The following NPHS1 variants were observed in gnomAD, a reference collection of about 807,000 sequenced individuals.
NPHS1 encodes the protein NPHS1 adhesion molecule, nephrin.
Under a neutral mutation model 139.7 loss-of-function variants are expected in NPHS1, and 107 were observed. The ratio of observed to expected loss-of-function variants is 0.77; its 90% CI spans 0.66 to 0.90. NPHS1 has a LOEUF of 0.90. Ranked by LOEUF, NPHS1 falls within the 40% of genes least tolerant of loss-of-function variation. The probability of loss-of-function intolerance (pLI) is 0.00; values close to 1 mark genes in which losing one functional copy is unlikely to be tolerated. For synonymous variants in NPHS1, 707 were observed against 706.6 expected (o/e 1.00, Z -0.01); for missense variants, 1,580 against 1,654.2 (o/e 0.96, Z 0.78).
chr19:35,831,553 C>T lies in NPHS1; in HGVS notation c.3287-53G>A, dbSNP rs926251188. ...GTGACCCTATGCAAGCCCCCCACCC[C>T]GGCCCCAGGAAGACCTTCAGTATGC... On this transcript the variant is annotated intron_variant, in intron 24 of 28. Transcript: ENST00000378910. The T allele has an allele frequency of 5.4e-5, 87 of 1,613,250 alleles. 1 individual carries two copies. The South Asian group carries it at 5.8e-4, about 11-fold the overall frequency.
rs954284707 is a variant in NPHS1 at position 35,852,265 on chromosome 19, G to A, written c.-428C>T. The stretch of plus-strand genomic sequence containing the variant: ...CCATCTTTCTCTCCTTGTCTAAGCC[G>A]TTCTCTCTCCTTTTGTCTCTGTCTC... On this transcript the variant is annotated 5_prime_UTR_variant, in exon 1 of 29. The change creates a new upstream start codon in the 5' untranslated region. Transcript: ENST00000378910. Among the ~76,000 whole-genome samples the A allele has an allele frequency of 2.7e-5, 4 of 150,418 alleles. No homozygotes were observed. The highest frequency in any genetic ancestry group is 4.2e-4 in the South Asian group (2 of 4,748).
rs773602457 is a variant in NPHS1 at position 35,844,410 on chromosome 19, C to T, written c.1980G>A (p.Glu660=). ...GEQVLVVTAV[E]QGEALLPVSV... Reference sequence around the variant, plus strand: ...ACACGGGCAGCAACGCCTCGCCCTGCTCCACCGCGGTCACCACCAGCACCT... The same window carrying T: ...ACACGGGCAGCAACGCCTCGCCCTGTTCCACCGCGGTCACCACCAGCACCT... The change falls in exon 15 of 29, where the codon GAG becomes GAA. Residue 660 remains glutamate (E), a synonymous_variant. Transcript: ENST00000378910. The T allele has an allele frequency of 5.0e-6, 8 of 1,606,910 alleles. No individual in the cohort carries two copies. Among genetic ancestry groups the T allele is most frequent in the Non-Finnish European group, 5.9e-6 (7 of 1,177,156 alleles).
In NPHS1 at chr19:35,838,963, T is replaced by C. The variant is rs994010424; in HGVS notation, c.3109+274A>G. On this transcript the variant is annotated intron_variant, in intron 22 of 28. Transcript: ENST00000378910. Reference sequence around the variant, plus strand: ...ACTGCAACCTCAAATTTTTATATGTTTTCATTTTCATTTAATTCAAACTAT... The same window carrying C: ...ACTGCAACCTCAAATTTTTATATGTCTTCATTTTCATTTAATTCAAACTAT... Among the ~76,000 whole-genome samples the C allele has an allele frequency of 1.2e-4, 18 of 152,358 alleles. No homozygotes were observed. The East Asian group carries it at 3.5e-3, about 29-fold the overall frequency.
chr19:35,842,619 C>T (rs1159950943), intron 17 of NPHS1, 69 bp from the exon 18 acceptor site: 1 of 1,495,064 alleles, frequency 6.7e-7, no homozygotes, highest in Non-Finnish European at 9.3e-7. Context: ...CAAATTGTCC[C>T]TTCTGTAGCC....
intron 28 of NPHS1, among the ~76,000 whole-genome samples, chr19:35,827,715 C>T (rs1156482738): frequency 2.0e-5 from 3 of 152,188 alleles, no homozygotes; most frequent in East Asian, 1.9e-4. Context: ...GATCAGGATT[C>T]GAGACCAGCC....
rs1424705917 is a variant in NPHS1 at position 35,849,415 on chromosome 19, C to T, written c.713-52G>A. 9 of 1,601,864 alleles carry T rather than the reference C, an allele frequency of 5.6e-6. No individual in the cohort carries two copies. In the South Asian group the frequency reaches 7.8e-5, roughly 14 times the overall value. On this transcript the variant is annotated intron_variant, in intron 6 of 28. Coordinates refer to ENST00000378910, the MANE Select transcript of NPHS1 (RefSeq NM_004646.4). ...CCTGGAGTAGCCCATCCACTCTTTCCAGGCCCCACAACCTGCCTTTGAACC... is the reference window on the plus strand; with the variant it reads ...CCTGGAGTAGCCCATCCACTCTTTCTAGGCCCCACAACCTGCCTTTGAACC...
At chr19:35,849,745 C>T (rs1017994712) in intron 5 of NPHS1, 92 bp from the exon 6 acceptor site, 3 of 879,434 alleles carry the variant, frequency 3.4e-6, no homozygotes, top group African/African-American at 3.3e-5. Flanking sequence ...CTCTGGTCCC[C>T]ACACCTGGTC....
At chr19:35,836,812 T>C (rs1245712400) in intron 22 of NPHS1, among the ~76,000 whole-genome samples, 1 of 151,598 alleles carries the variant, frequency 6.6e-6, no homozygotes, top group African/African-American at 2.4e-5. Flanking sequence ...CTGGCCAACA[T>C]GGTGAAACCC....
rs533056153 is a variant in NPHS1 at position 35,842,747 on chromosome 19, T to C, written c.2335-197A>G. Among the ~76,000 whole-genome samples the C allele has an allele frequency of 2.0e-4, 31 of 152,230 alleles. No homozygotes were observed. In the South Asian group the frequency reaches 6.4e-3, roughly 32 times the overall value. ...TCATCCACCAATCCAGGCAACCACCTACCCATCCATTCACCCAACCACTTA... is the reference window on the plus strand; with the variant it reads ...TCATCCACCAATCCAGGCAACCACCCACCCATCCATTCACCCAACCACTTA... On this transcript the variant is annotated intron_variant, in intron 17 of 28. Transcript: ENST00000378910.
intron 23 of NPHS1, among the ~76,000 whole-genome samples, chr19:35,834,433 G>A (rs1428628085): frequency 6.6e-6 from 1 of 152,150 alleles, no homozygotes; most frequent in Non-Finnish European, 1.5e-5. Context: ...AGAATCATGA[G>A]GAAGAATGTT....
At chr19:35,834,366 C>A (rs898878440) in intron 23 of NPHS1, among the ~76,000 whole-genome samples, 2 of 152,140 alleles carry the variant, frequency 1.3e-5, no homozygotes, top group Non-Finnish European at 2.9e-5. Flanking sequence ...GTGGAGCTGC[C>A]AGCTGACTGC....
In NPHS1 at chr19:35,848,161, G is replaced by A. The variant is rs392702; in HGVS notation, c.1320C>T (p.Pro440=). 69,554 of 1,613,988 alleles carry A rather than the reference G, an allele frequency of 0.043. 2,819 individuals carry two copies. The highest frequency in any genetic ancestry group is 0.22 in the African/African-American group (16,251 of 74,984). ...GACCCTCAATCCACAGTTTCTGGGC[G>A]GGATCTGGCGGGGAGAGGAAGGAAG... ...KKSLILNVKY[P]AQKLWIEGPP... Residue 440 remains proline, a synonymous_variant, in exon 11 of 29, where the codon CCC becomes CCT. Coordinates refer to ENST00000378910, the MANE Select transcript of NPHS1 (RefSeq NM_004646.4).
Position 35,850,949 on chromosome 19 carries a change from A to G in NPHS1, c.526+12T>C. The G allele has an allele frequency of 6.2e-7, 1 of 1,613,750 alleles. No individual in the cohort carries two copies. The highest frequency in any genetic ancestry group is 8.5e-7 in the Non-Finnish European group (1 of 1,179,984). On this transcript the variant is annotated intron_variant, in intron 4 of 28. Transcript: ENST00000378910. ...CATGCTGCCCCCTGCCACCCAGTTC[A>G]CCCACACTCACTCAGGAGAATGGTG...
At chr19:35,848,546 C>T in intron 9 of NPHS1, 91 bp downstream of exon 9, 4 of 1,586,246 alleles carry the variant, frequency 2.5e-6, no homozygotes, top group Non-Finnish European at 2.6e-6. Flanking sequence ...GAGAAAGCCC[C>T]CCAGGCTGCT....
In NPHS1 at chr19:35,844,238, C is replaced by T. The variant is rs776976310; in HGVS notation, c.2077G>A (p.Gly693Ser). 6.8e-6 allele frequency: 11 copies of T among 1,613,218 alleles called. No homozygotes were observed. Among genetic ancestry groups the T allele is most frequent in the Non-Finnish European group, 8.5e-6 (10 of 1,179,920 alleles). Residue 693 changes from glycine to serine, a missense_variant, in exon 16 of 29, where the codon GGC becomes AGC. Coordinates refer to ENST00000378910, the MANE Select transcript of NPHS1 (RefSeq NM_004646.4). ...FRGYRLSPAG[G>S]PRHRILSSGA... Reference sequence around the variant, plus strand: ...CTGGACAGGATGCGATGCCGGGGGCCGCCCGCTGGGGAAGGCCAGAATAAG... The same window carrying T: ...CTGGACAGGATGCGATGCCGGGGGCTGCCCGCTGGGGAAGGCCAGAATAAG...
chr19:35,851,805 G>A lies in NPHS1; in HGVS notation c.33C>T (p.Leu11=). The A allele has an allele frequency of 1.9e-6, 3 of 1,553,170 alleles. No homozygotes were observed. The highest frequency in any genetic ancestry group is 1.7e-6 in the Non-Finnish European group (2 of 1,147,900). ...CTTCAGTCAGCAGCCCCAGGAGCAG[G>A]AGAGAAGCCCTGAGCGTCGTCCCCA... is the stretch of plus-strand genomic sequence containing the variant. MALGTTLRAS[L]LLLGLLTEGL... Residue 11 remains leucine (L), a synonymous_variant, in exon 1 of 29, where the codon CTC becomes CTT. Transcript: ENST00000378910.
chr19:35,840,805 C>T (rs562589747), intron 20 of NPHS1, among the ~76,000 whole-genome samples: 1 of 151,096 alleles, frequency 6.6e-6, no homozygotes, highest in Admixed American at 6.6e-5. Flanking sequence ...TCTTCTGCCT[C>T]AGCCTCCCGA....
intron 9 of NPHS1, 119 bp downstream of exon 9, chr19:35,848,518 G>C: frequency 6.3e-7 from 1 of 1,579,860 alleles, no homozygotes; most frequent in Non-Finnish European, 8.6e-7. Flanking sequence ...CCCCTCTGTT[G>C]GACCCATGGT....
Position 35,845,370 on chromosome 19 carries a change from A to C in NPHS1, c.1928T>G (p.Leu643Arg), listed in dbSNP as rs386833898. 4.3e-6 allele frequency: 7 copies of C among 1,614,118 alleles called. No individual in the cohort carries two copies. Among genetic ancestry groups the C allele is most frequent in the Non-Finnish European group, 5.9e-6 (7 of 1,180,046 alleles). The change falls in exon 14 of 29, where the codon CTG becomes CGG. Residue 643 changes from leucine to arginine, a missense_variant and splice_region_variant. Coordinates refer to ENST00000378910, the MANE Select transcript of NPHS1 (RefSeq NM_004646.4). The surrounding 1 kb of genome is among the most constrained non-coding windows in gnomAD (Gnocchi z 5.5). ...TVSSFYRLNV[L>R]YRPEFLGEQV... ...GGCTTTCAGGCCGGGGCACATACAC[A>C]GTACGTTGAGGCGATAGAAGGAGCT...
Sources: gnomAD v4.1 joint callset for allele counts (sites outside exome capture counted in the v4.1 genomes callset) on GRCh38, gnomAD v4.1.1 for gene constraint, Gnocchi (gnomAD v3.1) non-coding constraint, MANE v1.5 for transcripts, NCBI Gene and HGNC (gene_info 2026-07-23, HGNC 2026-07-21) for gene names.